The following TSPAN5 variants were observed in gnomAD, a reference collection of about 807,000 sequenced individuals.
TSPAN5 encodes the protein tetraspanin-5.
TSPAN5 carries 10 observed loss-of-function variants against 37.1 expected under a neutral mutation model. The ratio of observed to expected loss-of-function variants is 0.27; its 90% CI spans 0.17 to 0.46. The LOEUF (loss-of-function observed/expected upper bound fraction) is 0.46, where lower values mean the gene tolerates loss of function less well. TSPAN5 is among the 20% of genes least tolerant of loss of function. TSPAN5 has a pLI of 1.00. For missense variants in TSPAN5, 195 were observed against 326.6 expected, an observed-to-expected ratio of 0.60 and a Z score of 3.11; for synonymous variants, 110 against 118.9, an observed-to-expected ratio of 0.93 and a Z score of 0.48.
intron 1 of TSPAN5, among the ~76,000 whole-genome samples, chr4:98,555,364 C>T (rs971986538): frequency 5.3e-5 from 8 of 152,176 alleles, no homozygotes; most frequent in Non-Finnish European, 1.0e-4. Flanking sequence ...TCTTTCTTCT[C>T]TCCTTTATAA....
chr4:98,522,429 C>T (rs913736077), intron 1 of TSPAN5, among the ~76,000 whole-genome samples: 3 of 152,216 alleles, frequency 2.0e-5, no homozygotes, highest in South Asian at 2.1e-4. Flanking sequence ...AGAAGTTATA[C>T]CTCCGATCAA....
intron 1 of TSPAN5, among the ~76,000 whole-genome samples, chr4:98,620,893 C>G (rs535970505): frequency 1.3e-5 from 2 of 152,154 alleles, no homozygotes; most frequent in African/African-American, 4.8e-5. Context: ...TGAAAATTCA[C>G]GTAACATAAA....
intron 1 of TSPAN5, among the ~76,000 whole-genome samples, chr4:98,541,365 C>T (rs1381440491): frequency 1.3e-5 from 2 of 152,062 alleles, no homozygotes; most frequent in Admixed American, 6.6e-5. Flanking sequence ...ACAATGCATC[C>T]TTTTCTTCCA....
At chr4:98,478,533 G>A (rs1752756966) in intron 5 of TSPAN5, 152 bp downstream of exon 5, 2 of 867,974 alleles carry the variant, frequency 2.3e-6, no homozygotes, top group Non-Finnish European at 3.7e-6. Flanking sequence ...ACTCCTACTA[G>A]GAAGATTTGA....
At chr4:98,567,474 C>A (rs1487948847) in intron 1 of TSPAN5, among the ~76,000 whole-genome samples, 8 of 152,170 alleles carry the variant, frequency 5.3e-5, no homozygotes, top group Admixed American at 5.2e-4. Context: ...GCACATCTAA[C>A]CATTTACAAA....
rs1346298551 is a variant in TSPAN5, at chr4:98,520,935, G to C, written c.82-13207C>G. Among the ~76,000 whole-genome samples, 3 of 151,538 alleles carry C rather than the reference G, an allele frequency of 2.0e-5. No homozygotes were observed. The East Asian group carries it at 5.8e-4, about 30-fold the overall frequency. On this transcript the variant is annotated intron_variant, in intron 1 of 7. Coordinates refer to ENST00000305798, the MANE Select transcript of TSPAN5 (RefSeq NM_005723.4). ...CAATTCTCACATCTACACTTTTTTGGGGGGCAGGGTGGGGGGGATAGAGTC... is the reference window on the plus strand; with the variant it reads ...CAATTCTCACATCTACACTTTTTTGCGGGGCAGGGTGGGGGGGATAGAGTC...
intron 5 of TSPAN5, among the ~76,000 whole-genome samples, chr4:98,477,644 C>G (rs1365395973): frequency 6.7e-6 from 1 of 149,234 alleles, no homozygotes; most frequent in Admixed American, 6.7e-5. Flanking sequence ...GTTTGTCATT[C>G]TAACACTAGA....
intron 1 of TSPAN5, among the ~76,000 whole-genome samples, chr4:98,530,171 C>G (rs1302690951): frequency 6.6e-6 from 1 of 152,204 alleles, no homozygotes; most frequent in East Asian, 1.9e-4. Flanking sequence ...GGCCTGCACA[C>G]ACATTGCCAG....
At chr4:98,649,180 C>G (rs1757131384) in intron 1 of TSPAN5, among the ~76,000 whole-genome samples, 1 of 151,870 alleles carries the variant, frequency 6.6e-6, no homozygotes. Flanking sequence ...TTTTTTCAAG[C>G]AAAATCTTTC....
intron 1 of TSPAN5, among the ~76,000 whole-genome samples, chr4:98,560,000 T>A (rs895909815): frequency 2.0e-5 from 3 of 152,218 alleles, no homozygotes; most frequent in Non-Finnish European, 4.4e-5. Context: ...CTCTTAAAAT[T>A]AATTCTTATC....
intron 1 of TSPAN5, among the ~76,000 whole-genome samples, chr4:98,565,579 TG>T (rs1470878532): frequency 6.6e-6 from 1 of 152,246 alleles, no homozygotes; most frequent in African/African-American, 2.4e-5. Flanking sequence ...GATATTCTTG[TG>T]GATGTGACAC....
intron 7 of TSPAN5, among the ~76,000 whole-genome samples, chr4:98,474,778 A>G (rs1225524389): frequency 6.6e-6 from 1 of 152,068 alleles, no homozygotes; most frequent in Admixed American, 6.5e-5. Flanking sequence ...GGCTCAAGCA[A>G]TCCTCCCACT....
rs846002 is a variant in TSPAN5, at chr4:98,541,352, A to C, written c.82-33624T>G. 1.6e-3 allele frequency among the ~76,000 whole-genome samples: 243 copies of C among 152,138 alleles called. 8 individuals are homozygous for C. The East Asian group carries it at 0.046, about 29-fold the overall frequency. On this transcript the variant is annotated intron_variant, in intron 1 of 7. Transcript: ENST00000305798. ...GTTTCTCTCAGAAGATTACATATAC[A>C]CTACAATGCATCCTTTTCTTCCATA...
chr4:98,485,594 A>C (rs1481825270), intron 3 of TSPAN5: 1 of 151,942 alleles, frequency 6.6e-6, no homozygotes, highest in Non-Finnish European at 1.5e-5. Flanking sequence ...ATAGCCTCCA[A>C]AAACTTCTCC....
intron 1 of TSPAN5, among the ~76,000 whole-genome samples, chr4:98,543,858 A>G (rs1239266680): frequency 6.6e-6 from 1 of 152,086 alleles, no homozygotes; most frequent in Non-Finnish European, 1.5e-5. Context: ...ATACAGTTAT[A>G]GAATATTAGA....
At chr4:98,503,567 G>A (rs945859963) in intron 2 of TSPAN5, among the ~76,000 whole-genome samples, 13 of 152,274 alleles carry the variant, frequency 8.5e-5, no homozygotes, top group Admixed American at 3.9e-4. Context: ...ATTCTAATTC[G>A]GTGGAATGAA....
chr4:98,547,738 G>A (rs1164488264), intron 1 of TSPAN5, among the ~76,000 whole-genome samples: 1 of 152,116 alleles, frequency 6.6e-6, no homozygotes, highest in Non-Finnish European at 1.5e-5. Context: ...CAGGTGTGGT[G>A]GCTCACGCCT....
chr4:98,548,875 T>C (rs1258040738), intron 1 of TSPAN5, among the ~76,000 whole-genome samples: 1 of 142,570 alleles, frequency 7.0e-6, no homozygotes, highest in African/African-American at 2.6e-5. Context: ...TATCGCTGCA[T>C]AGTATTCCAA....
intron 2 of TSPAN5, among the ~76,000 whole-genome samples, chr4:98,489,598 G>A (rs1265995653): frequency 1.3e-5 from 2 of 152,118 alleles, no homozygotes; most frequent in African/African-American, 2.4e-5. Context: ...GCTGATTGCC[G>A]TCGTTGTAGA....
Sources: allele counts gnomAD v4.1 joint callset (sites outside exome capture counted in the v4.1 genomes callset), GRCh38; gene constraint gnomAD v4.1.1; transcripts MANE v1.5; gene names NCBI Gene and HGNC (gene_info 2026-07-23, HGNC 2026-07-21).